LAMA1: variants seen among roughly 807,000 people sequenced by gnomAD.
LAMA1 encodes the protein laminin subunit alpha 1, also known as laminin subunit alpha-1.
In LAMA1, 219 loss-of-function variants were observed where a neutral mutation model predicts 348.7. The observed-to-expected ratio is 0.63, with a 90% CI of 0.56 to 0.70. The LOEUF is 0.70. Ranked by LOEUF, LAMA1 falls within the 30% of genes least tolerant of loss-of-function variation. The probability of loss-of-function intolerance (pLI) is 0.00; values close to 1 mark genes in which losing one functional copy is unlikely to be tolerated. For synonymous variants in LAMA1, 1,487 were observed against 1,491.0 expected (o/e 1.00, Z 0.06); for missense variants, 3,744 against 3,888.0 (o/e 0.96, Z 0.99).
intron 30 of LAMA1, among the ~76,000 whole-genome samples, chr18:7,001,461 C>T (rs1027117788): frequency 6.6e-6 from 1 of 152,034 alleles, no homozygotes; most frequent in Non-Finnish European, 1.5e-5. Context: ...AAAATAAGCA[C>T]TAGTAACAAC....
intron 16 of LAMA1, among the ~76,000 whole-genome samples, chr18:7,028,792 G>A (rs1274747168): frequency 1.3e-5 from 2 of 152,218 alleles, no homozygotes; most frequent in East Asian, 3.9e-4. Flanking sequence ...GGAGGGGTGC[G>A]GAGGTCGGCA....
chr18:7,048,933 T>G, intron 5 of LAMA1, 145 bp downstream of exon 5: 2 of 780,124 alleles, frequency 2.6e-6, no homozygotes, highest in South Asian at 3.5e-5. Context: ...CAATCTTACA[T>G]GAAATAAGGA....
At chr18:7,022,846 T>C (rs1430058000) in intron 19 of LAMA1, among the ~76,000 whole-genome samples, 1 of 152,194 alleles carries the variant, frequency 6.6e-6, no homozygotes, top group Non-Finnish European at 1.5e-5. Flanking sequence ...TGACAGGCTC[T>C]GAGCTTCCCC....
chr18:6,996,180 C>T (rs1424453164), intron 33 of LAMA1, among the ~76,000 whole-genome samples: 1 of 152,018 alleles, frequency 6.6e-6, no homozygotes, highest in African/African-American at 2.4e-5. Context: ...CACTTTGTGA[C>T]GTTTGAGGAA....
chr18:7,080,228 C>G (rs2058187468), intron 2 of LAMA1, 59 bp downstream of exon 2: 2 of 1,610,418 alleles, frequency 1.2e-6, no homozygotes, highest in Non-Finnish European at 1.7e-6. Context: ...AGTCTCAGTC[C>G]TCATTTCACA....
rs144333820 is a variant in LAMA1, at chr18:6,992,075, G to A, written c.5168+486C>T. Among the ~76,000 whole-genome samples the A allele has an allele frequency of 4.9e-4, 74 of 152,326 alleles. No homozygotes were observed. The Middle Eastern group carries it at 0.017, about 35-fold the overall frequency. On this transcript the variant is annotated intron_variant, in intron 36 of 62. Transcript: ENST00000389658. ...AGGAAACTCCAAACTCCTTGTGACT[G>A]TATGTAAGAATGCTTTGTGATCTCT...
chr18:6,972,580 T>G (rs1300090162), intron 47 of LAMA1, among the ~76,000 whole-genome samples: 1 of 152,204 alleles, frequency 6.6e-6, no homozygotes, highest in Non-Finnish European at 1.5e-5. Flanking sequence ...GCATCACCCT[T>G]TACTGTACAA....
chr18:6,974,860 A>C (rs1306554340), intron 46 of LAMA1, 43 bp downstream of exon 46: 1 of 1,612,476 alleles, frequency 6.2e-7, no homozygotes, highest in Non-Finnish European at 8.5e-7. Flanking sequence ...TATGAGACAC[A>C]CTTTAAAAAA....
At chr18:6,986,088 T>C (rs781073430) in intron 37 of LAMA1, 49 bp downstream of exon 37, 2 of 1,600,060 alleles carry the variant, frequency 1.2e-6, no homozygotes. Context: ...TACGTTGGAG[T>C]ATTTTGTTAC....
chr18:7,001,210 T>C (rs1254770831), intron 30 of LAMA1, among the ~76,000 whole-genome samples: 1 of 152,204 alleles, frequency 6.6e-6, no homozygotes. Flanking sequence ...TCCAATTCTG[T>C]GCCTACAGAT....
At chr18:7,090,826 T>C (rs957105581) in intron 1 of LAMA1, among the ~76,000 whole-genome samples, 8 of 151,886 alleles carry the variant, frequency 5.3e-5, no homozygotes, top group Non-Finnish European at 1.2e-4. Flanking sequence ...TGATTTCTTT[T>C]CCCCCCTCAT....
chr18:7,000,145 C>T (rs2057801319), intron 30 of LAMA1, 148 bp from the exon 31 acceptor site: 1 of 641,412 alleles, frequency 1.6e-6, no homozygotes, highest in African/African-American at 1.8e-5. Context: ...ATCTACCTGG[C>T]AAAAAGAAGG....
Position 6,950,851 on chromosome 18 carries a change from C to T in LAMA1, c.8328G>A (p.Met2776Ile). The change falls in exon 58 of 63, where the codon ATG becomes ATA. Residue 2776 changes from methionine to isoleucine, a missense_variant. Transcript: ENST00000389658. The part of the protein sequence containing the change: ...LQLHGGRLHF[M>I]FDLGKGRTKV... ...TTGTTCTGCCTTTGCCAAGGTCAAA[C>T]ATGAAGTGGAGGCGGCCCCCGTGCA... The T allele has an allele frequency of 1.2e-6, 2 of 1,614,148 alleles. No homozygotes were observed. Among genetic ancestry groups the T allele is most frequent in the South Asian group, 2.2e-5 (2 of 91,076 alleles).
chr18:7,091,066 G>T (rs1468734016), intron 1 of LAMA1, among the ~76,000 whole-genome samples: 1 of 152,106 alleles, frequency 6.6e-6, no homozygotes, highest in Non-Finnish European at 1.5e-5. Context: ...TCTCACAATG[G>T]TTCATTTAAA....
rs945551510 is a variant in LAMA1 at position 7,010,283 on chromosome 18, G to A, written c.3790C>T (p.Arg1264Trp). The A allele has an allele frequency of 1.1e-5, 17 of 1,613,848 alleles. No homozygotes were observed. The highest frequency in any genetic ancestry group is 1.4e-5 in the Non-Finnish European group (16 of 1,180,012). The change falls in exon 26 of 63, where the codon CGG becomes TGG. Residue 1264 changes from arginine to tryptophan, a missense_variant. This residue lies in a region of LAMA1 where 1,529 missense variants were observed against 1,689.4 expected (regional missense o/e 0.91). Transcript: ENST00000389658. ...ATGTAAATGACTTGCTTTCTGATCC[G>A]ACCACCTTTGATGAGAACTTGAGGC... ...FEPQVLIKGG[R>W]IRKQVIYMDA... is the part of the protein sequence containing the mutation.
rs371323961 is a variant in LAMA1 at position 7,044,704 on chromosome 18, G to C, written c.976+18C>G. 744 of 1,590,302 alleles carry C rather than the reference G, an allele frequency of 4.7e-4. No individual in the cohort carries two copies. Among genetic ancestry groups the C allele is most frequent in the Non-Finnish European group, 6.1e-4 (702 of 1,158,464 alleles). On this transcript the variant is annotated intron_variant, in intron 7 of 62. Transcript: ENST00000389658. ...AAGAGGAAAACTGTACTGACCTTCA[G>C]ATTCTAAGTATACTGACCTTCACAT... is the stretch of plus-strand genomic sequence containing the variant.
Position 6,982,553 on chromosome 18 carries a change from A to T in LAMA1, c.5834T>A (p.Val1945Glu), listed in dbSNP as rs767033774. The T allele has an allele frequency of 1.2e-6, 2 of 1,614,060 alleles. No homozygotes were observed. The highest frequency in any genetic ancestry group is 2.7e-5 in the African/African-American group (2 of 74,912). ...ESLVSNGKAA[V>E]QRSSRFLKEG... ...TTTTAGAAATCTGGAGCTGCGCTGCACGGCCGCTTTCCCGTTAGAAACAAG... is the reference window on the plus strand; with the variant it reads ...TTTTAGAAATCTGGAGCTGCGCTGCTCGGCCGCTTTCCCGTTAGAAACAAG... Residue 1945 changes from valine (V) to glutamate (E), a missense_variant, in exon 41 of 63, where the codon GTG becomes GAG. Val to Glu is a moderately radical substitution (Grantham distance 121). Transcript: ENST00000389658.
At chr18:6,950,098 G>A (rs1037163290) in intron 58 of LAMA1, among the ~76,000 whole-genome samples, 7 of 151,954 alleles carry the variant, frequency 4.6e-5, no homozygotes, top group Admixed American at 1.3e-4. Flanking sequence ...TGAACCAAAT[G>A]GCACCACCCA....
chr18:7,085,393 CT>C (rs1274064773), intron 1 of LAMA1, among the ~76,000 whole-genome samples: 1 of 140,644 alleles, frequency 7.1e-6, no homozygotes, highest in Non-Finnish European at 1.6e-5. Context: ...TTATTTTACT[CT>C]TTTTTTCTTC....
Sources: allele counts gnomAD v4.1 joint callset (sites outside exome capture counted in the v4.1 genomes callset), GRCh38; gene constraint gnomAD v4.1.1; regional missense constraint gnomAD v4.1.1; transcripts MANE v1.5; gene names NCBI Gene and HGNC (gene_info 2026-07-23, HGNC 2026-07-21).